PRELID2: variants seen among roughly 807,000 people sequenced by gnomAD.
PRELID2 encodes PRELI domain containing 2.
PRELID2 carries 25 observed loss-of-function variants against 28.4 expected under a neutral mutation model. The ratio of observed to expected loss-of-function variants is 0.88; its 90% CI spans 0.64 to 1.23. The LOEUF (loss-of-function observed/expected upper bound fraction) is 1.23, where lower values mean the gene tolerates loss of function less well. Among genes scored for constraint, PRELID2 ranks in the 50% most tolerant of loss-of-function variants. PRELID2 has a pLI of 0.00. For missense variants in PRELID2, 201 were observed against 214.4 expected (o/e 0.94, Z 0.39); for synonymous variants, 76 against 71.6 (o/e 1.06, Z -0.31).
At chr5:145,633,610 A>G (rs948139316) in intron 1 of PRELID2, among the ~76,000 whole-genome samples, 1 of 152,214 alleles carries the variant, frequency 6.6e-6, no homozygotes, top group Non-Finnish European at 1.5e-5. Context: ...TGAGTTGGGA[A>G]GCTTTGCATC....
At chr5:145,575,719 A>G (rs1032469101) in intron 1 of PRELID2, among the ~76,000 whole-genome samples, 2 of 152,172 alleles carry the variant, frequency 1.3e-5, no homozygotes, top group African/African-American at 2.4e-5. Flanking sequence ...GCCCTTCATT[A>G]TTGGTCCCTG....
intron 1 of PRELID2, among the ~76,000 whole-genome samples, chr5:145,650,263 A>G (rs1754265650): frequency 6.6e-6 from 1 of 152,020 alleles, no homozygotes; most frequent in African/African-American, 2.4e-5. Flanking sequence ...CTGAGCTACT[A>G]CTTCTGAAAT....
chr5:145,282,863 A>G, the PRELID2 span, among the ~76,000 whole-genome samples: 1 of 152,114 alleles, frequency 6.6e-6, no homozygotes, highest in African/African-American at 2.4e-5. Flanking sequence ...TAGTGTTTGT[A>G]TATTGAAAAT....
intron 1 of PRELID2, among the ~76,000 whole-genome samples, chr5:145,533,069 A>T (rs1243283708): frequency 6.6e-6 from 1 of 152,096 alleles, no homozygotes; most frequent in Non-Finnish European, 1.5e-5. Flanking sequence ...TACTGTTAGA[A>T]TGGCTCTTAG....
the PRELID2 span, among the ~76,000 whole-genome samples, chr5:145,323,481 T>G: frequency 6.6e-6 from 1 of 152,194 alleles, no homozygotes; most frequent in East Asian, 1.9e-4. Context: ...CACTTTTATT[T>G]TAGGTTCAGG....
chr5:145,579,434 GC>G (rs1753089334), intron 1 of PRELID2, among the ~76,000 whole-genome samples: 1 of 152,014 alleles, frequency 6.6e-6, no homozygotes, highest in African/African-American at 2.4e-5. Context: ...CAGTTTTATT[GC>G]CCTTGGGCAG....
chr5:145,778,158 T>A (rs914129418), intron 5 of PRELID2, among the ~76,000 whole-genome samples: 1 of 152,106 alleles, frequency 6.6e-6, no homozygotes, highest in Non-Finnish European at 1.5e-5. Context: ...CCAGGCTCAA[T>A]CAGAGCTGAG....
At chr5:145,526,123 T>C (rs1752603634) in intron 1 of PRELID2, among the ~76,000 whole-genome samples, 1 of 152,222 alleles carries the variant, frequency 6.6e-6, no homozygotes, top group African/African-American at 2.4e-5. Context: ...CTCTGCTCTG[T>C]GCCAGCCATG....
At chr5:145,643,698 GT>G (rs1289073381) in intron 1 of PRELID2, among the ~76,000 whole-genome samples, 1 of 152,004 alleles carries the variant, frequency 6.6e-6, no homozygotes, top group Non-Finnish European at 1.5e-5. Flanking sequence ...TCAATACCTA[GT>G]TTTTTGAGAG....
intron 1 of PRELID2, among the ~76,000 whole-genome samples, chr5:145,730,965 G>A (rs548610714): frequency 1.3e-5 from 2 of 152,194 alleles, no homozygotes; most frequent in Non-Finnish European, 2.9e-5. Context: ...AGTAACATTC[G>A]AAGCTTCTGA....
chr5:145,277,996 T>G, the PRELID2 span, among the ~76,000 whole-genome samples: 1 of 152,184 alleles, frequency 6.6e-6, no homozygotes, highest in Non-Finnish European at 1.5e-5. Context: ...CGAGAACCAG[T>G]GATTCTAAAG....
At chr5:145,829,017 TTTTG>T (rs1357713230) in intron 1 of PRELID2, among the ~76,000 whole-genome samples, 7 of 151,610 alleles carry the variant, frequency 4.6e-5, no homozygotes, top group African/African-American at 1.7e-4. Flanking sequence ...TTTGGGGGTT[TTTTG>T]TTTTTGTGTC....
the PRELID2 span, among the ~76,000 whole-genome samples, chr5:145,354,438 G>A: frequency 6.6e-6 from 1 of 152,150 alleles, no homozygotes; most frequent in Non-Finnish European, 1.5e-5. Context: ...GGGAAAAGAA[G>A]AGGATTCCTG....
chr5:145,377,441 T>A, the PRELID2 span, among the ~76,000 whole-genome samples: 3 of 151,982 alleles, frequency 2.0e-5, no homozygotes, highest in Non-Finnish European at 1.5e-5. Context: ...ATCTTTGTGA[T>A]CTGTCTACTA....
At chr5:145,733,642 C>G (rs1415994961) in intron 1 of PRELID2, among the ~76,000 whole-genome samples, 1 of 152,224 alleles carries the variant, frequency 6.6e-6, no homozygotes, top group African/African-American at 2.4e-5. Context: ...AAATTTTACA[C>G]TTAGCCAGCC....
At chr5:145,261,425 C>A in the PRELID2 span, among the ~76,000 whole-genome samples, 1 of 152,208 alleles carries the variant, frequency 6.6e-6, no homozygotes, top group African/African-American at 2.4e-5. Context: ...ACAGAATCCA[C>A]TTCATTCCCC....
chr5:145,559,063 G>A (rs1277350863), intron 1 of PRELID2, among the ~76,000 whole-genome samples: 1 of 152,096 alleles, frequency 6.6e-6, no homozygotes, highest in Non-Finnish European at 1.5e-5. Flanking sequence ...GACCATCCTG[G>A]CTAACATGGT....
chr5:145,547,009 C>T (rs893061250), intron 1 of PRELID2, among the ~76,000 whole-genome samples: 4 of 152,144 alleles, frequency 2.6e-5, no homozygotes, highest in African/African-American at 9.7e-5. Context: ...AAATAAAATA[C>T]ACGTGAAATG....
intron 1 of PRELID2, among the ~76,000 whole-genome samples, chr5:145,735,801 A>T (rs1167429639): frequency 6.6e-6 from 1 of 152,186 alleles, no homozygotes; most frequent in East Asian, 1.9e-4. Flanking sequence ...GGCATGTGGA[A>T]GTGCTTAATC....
Sources: gnomAD v4.1 joint callset for allele counts (sites outside exome capture counted in the v4.1 genomes callset) on GRCh38, gnomAD v4.1.1 for gene constraint, MANE v1.5 for transcripts, NCBI Gene and HGNC (gene_info 2026-07-23, HGNC 2026-07-21) for gene names.